The following HYDIN variants were observed in gnomAD, a reference collection of about 807,000 sequenced individuals.
The protein encoded by HYDIN is HYDIN axonemal central pair apparatus protein.
A neutral mutation model predicts 403.9 loss-of-function variants in HYDIN; 132 were observed. That is an observed-to-expected ratio of 0.33 (90% confidence interval 0.28 to 0.38). The LOEUF is 0.38. Ranked by LOEUF, HYDIN falls within the 10% of genes least tolerant of loss-of-function variation. HYDIN has a pLI of 1.00. For missense variants in HYDIN, 2,827 were observed against 5,009.5 expected (o/e 0.56, Z 13.15); for synonymous variants, 1,202 against 1,891.7 (o/e 0.64, Z 9.46).
At chr16:71,144,739 C>G (rs1316234244) in intron 7 of HYDIN, among the ~76,000 whole-genome samples, 1 of 150,670 alleles carries the variant, frequency 6.6e-6, no homozygotes, top group South Asian at 2.1e-4. Flanking sequence ...AAGAAATCTC[C>G]TAACTTCATT....
chr16:70,842,526 A>T (rs529250900), intron 75 of HYDIN, among the ~76,000 whole-genome samples: 1 of 152,290 alleles, frequency 6.6e-6, no homozygotes, highest in East Asian at 1.9e-4. Flanking sequence ...TTTGTTTGAC[A>T]TTAGCATAGG....
intron 47 of HYDIN, among the ~76,000 whole-genome samples, chr16:70,913,144 T>A (rs2076740238): frequency 6.6e-6 from 1 of 151,456 alleles, no homozygotes; most frequent in African/African-American, 2.4e-5. Flanking sequence ...TTAGTTCTGC[T>A]CTGACCTTGG....
chr16:70,831,528 C>CCAAAAAAAAAAAAAA (rs1597067653), intron 80 of HYDIN, among the ~76,000 whole-genome samples: 1 of 126,598 alleles, frequency 7.9e-6, no homozygotes, highest in Non-Finnish European at 1.6e-5. Flanking sequence ...AAAAAAAAAA[C>CCAAAAAAAAAAAAAA]CAAAAAAAAA....
intron 1 of HYDIN, among the ~76,000 whole-genome samples, chr16:71,209,942 T>C (rs1428644509): frequency 1.3e-5 from 2 of 152,286 alleles, no homozygotes; most frequent in South Asian, 2.1e-4. Context: ...AGAAATATCA[T>C]TAAAGGGGCC....
chr16:70,823,501 G>A (rs1250818911), intron 83 of HYDIN, among the ~76,000 whole-genome samples: 1 of 76,684 alleles, frequency 1.3e-5, no homozygotes, highest in East Asian at 4.5e-4. Context: ...CTAAGGGAAT[G>A]GCCCTTTCTC....
intron 1 of HYDIN, among the ~76,000 whole-genome samples, chr16:71,204,934 G>GA (rs976073040): frequency 3.3e-5 from 5 of 150,948 alleles, no homozygotes. Flanking sequence ...AGCTATAGGT[G>GA]AAAAAAAAAT....
intron 13 of HYDIN, among the ~76,000 whole-genome samples, chr16:71,074,707 C>CAAAAAAA (rs59315287): frequency 4.6e-4 from 40 of 86,212 alleles, no homozygotes; most frequent in African/African-American, 7.2e-4. Context: ...CAAAAAACAC[C>CAAAAAAA]AAAAAAAAAA....
chr16:71,022,899 C>G (rs191651138), intron 21 of HYDIN, among the ~76,000 whole-genome samples: 6 of 151,612 alleles, frequency 4.0e-5, no homozygotes, highest in Non-Finnish European at 5.9e-5. Context: ...ACATGCCCCC[C>G]CAAAAGGCAT....
At chr16:71,220,413 A>G (rs1356732671) in intron 1 of HYDIN, among the ~76,000 whole-genome samples, 1 of 152,360 alleles carries the variant, frequency 6.6e-6, no homozygotes, top group Non-Finnish European at 1.5e-5. Flanking sequence ...ACAAGACATA[A>G]AATGAAATAC....
intron 23 of HYDIN, among the ~76,000 whole-genome samples, chr16:71,003,364 A>T (rs1448923331): frequency 6.6e-6 from 1 of 152,102 alleles, no homozygotes; most frequent in Non-Finnish European, 1.5e-5. Flanking sequence ...ATGTCTCACC[A>T]TTTATTTAGG....
At chr16:71,130,273 A>G (rs982843924) in intron 8 of HYDIN, among the ~76,000 whole-genome samples, 1 of 151,890 alleles carries the variant, frequency 6.6e-6, no homozygotes, top group Non-Finnish European at 1.5e-5. Flanking sequence ...GCCGGCAGGG[A>G]CTAGGTTTGC....
intron 65 of HYDIN, 131 bp downstream of exon 65, chr16:70,871,906 A>T: frequency 1.8e-6 from 1 of 545,660 alleles, no homozygotes; most frequent in South Asian, 2.0e-5. Context: ...GTGAGGGATG[A>T]TTCCTGGGCT....
intron 37 of HYDIN, among the ~76,000 whole-genome samples, chr16:70,964,083 A>T (rs2078497974): frequency 8.2e-6 from 1 of 121,392 alleles, no homozygotes; most frequent in South Asian, 3.1e-4. Context: ...GTCAGCGAGG[A>T]ACCTTTATGG....
rs1454211488 is a variant in HYDIN at position 70,901,173 on chromosome 16, T to C, written c.8879A>G (p.Asn2960Ser). Residue 2960 changes from asparagine (N) to serine (S), a missense_variant, in exon 53 of 86, where the codon AAT becomes AGT. Physicochemically the swap from Asn to Ser is conservative, Grantham distance 46. Coordinates refer to ENST00000393567, the MANE Select transcript of HYDIN (RefSeq NM_001270974.2). Reference protein sequence around the residue: ...RQESRVVLLRNVTLLPVAWRI... With the variant: ...RQESRVVLLRSVTLLPVAWRI... ...CCAGGCCACAGGCAGGAGCGTGACA[T>C]TGCGGAGAAGAACTACCCTGGATTC... 8 of 943,848 alleles carry C rather than the reference T, an allele frequency of 8.5e-6. No individual in the cohort carries two copies. Among genetic ancestry groups the C allele is most frequent in the African/African-American group, 1.7e-5 (1 of 59,054 alleles). The allele number at this position is 943,848 out of a possible 1,614,324, so 58.5% of individuals were successfully genotyped here.
chr16:70,826,705 A>ATC (rs3043151), intron 83 of HYDIN, among the ~76,000 whole-genome samples: 5,520 of 129,002 alleles, frequency 0.043, 207 homozygotes, highest in East Asian at 0.088. Context: ...TCTTGCCAGC[A>ATC]TCTCTCTCTC....
chr16:71,153,545 C>T (rs185041768), intron 6 of HYDIN, among the ~76,000 whole-genome samples: 38 of 152,164 alleles, frequency 2.5e-4, no homozygotes, highest in Non-Finnish European at 8.8e-5. Flanking sequence ...AGGTGGTCTC[C>T]CAGGGAAGAC....
intron 80 of HYDIN, among the ~76,000 whole-genome samples, chr16:70,830,932 G>C (rs1220398107): frequency 1.3e-5 from 2 of 151,840 alleles, no homozygotes; most frequent in Admixed American, 1.3e-4. Flanking sequence ...AAAGATTTGG[G>C]AGTTGTCAGT....
At position 70,809,999 on chromosome 16, in the gene HYDIN, G is replaced by C; in HGVS notation, c.14667C>G (p.Phe4889Leu). The C allele has an allele frequency of 6.2e-7, 1 of 1,614,062 alleles. No homozygotes were observed. The highest frequency in any genetic ancestry group is 8.5e-7 in the Non-Finnish European group (1 of 1,179,972). The stretch of plus-strand genomic sequence containing the variant: ...CTTTCAGGGGCTGAAATTCAAATGA[G>C]AACGTGCCCTGGAAGAGAAAACAGA... ...FVVPANSEGT[F>L]SFEFQPLKAG... The change falls in exon 85 of 86, where the codon TTC (phenylalanine) becomes TTG (leucine). Residue 4889 changes from phenylalanine (F) to leucine (L), a missense_variant. Physicochemically the swap from Phe to Leu is conservative, Grantham distance 22. Transcript: ENST00000393567.
At chr16:70,948,210 G>C (rs2077942239) in intron 41 of HYDIN, among the ~76,000 whole-genome samples, 1 of 148,672 alleles carries the variant, frequency 6.7e-6, no homozygotes, top group Admixed American at 6.7e-5. Context: ...ATGGGGAAAG[G>C]ATTCCCTATT....
Sources: allele counts gnomAD v4.1 joint callset (sites outside exome capture counted in the v4.1 genomes callset), GRCh38; gene constraint gnomAD v4.1.1; transcripts MANE v1.5; gene names NCBI Gene and HGNC (gene_info 2026-07-23, HGNC 2026-07-21).